Variants in RIMS2 observed in about 807,000 individuals in gnomAD.
RIMS2 encodes the protein regulating synaptic membrane exocytosis 2, also known as regulating synaptic membrane exocytosis protein 2.
Under a neutral mutation model 174.4 loss-of-function variants are expected in RIMS2, and 59 were observed. That is an observed-to-expected ratio of 0.34 (90% CI 0.27 to 0.42). RIMS2 has a LOEUF of 0.42. Among genes scored for constraint, RIMS2 ranks in the 10% least tolerant of loss-of-function variants. The pLI is 1.00. For missense variants in RIMS2, 1,620 were observed against 1,666.3 expected, an observed-to-expected ratio of 0.97 and a Z score of 0.48; for synonymous variants, 606 against 572.5, an observed-to-expected ratio of 1.06 and a Z score of -0.84.
At chr8:103,531,242 C>T (rs374086228) in intron 1 of RIMS2, among the ~76,000 whole-genome samples, 135 of 151,906 alleles carry the variant, frequency 8.9e-4, no homozygotes, top group African/African-American at 3.1e-3. Flanking sequence ...CATGGAATAC[C>T]AAAATCGACC....
At chr8:103,772,959 G>A (rs1383909553) in intron 3 of RIMS2, among the ~76,000 whole-genome samples, 1 of 152,120 alleles carries the variant, frequency 6.6e-6, no homozygotes, top group Non-Finnish European at 1.5e-5. Flanking sequence ...GTGGATCATA[G>A]AGATAAATGT....
intron 1 of RIMS2, among the ~76,000 whole-genome samples, chr8:103,610,861 T>C (rs1442297801): frequency 6.6e-6 from 1 of 152,174 alleles, no homozygotes; most frequent in Non-Finnish European, 1.5e-5. Context: ...CGAGAGGAGT[T>C]CATTCACAAT....
chr8:104,064,923 A>T (rs879910519), intron 19 of RIMS2, among the ~76,000 whole-genome samples: 2 of 152,108 alleles, frequency 1.3e-5, no homozygotes, highest in African/African-American at 2.4e-5. Flanking sequence ...GCATACTTGA[A>T]TTATAAAACC....
At chr8:104,202,644 T>A (rs1328191523) in intron 19 of RIMS2, among the ~76,000 whole-genome samples, 1 of 152,240 alleles carries the variant, frequency 6.6e-6, no homozygotes, top group Non-Finnish European at 1.5e-5. Flanking sequence ...CCTCTTCACA[T>A]GGCCTTTCCT....
chr8:104,255,410 G>A (rs1375375045), downstream of RIMS2: 1 of 151,606 alleles, frequency 6.6e-6, no homozygotes, highest in Admixed American at 6.6e-5. Flanking sequence ...CCTTTCTTAT[G>A]TGCCCTCTCC....
intron 3 of RIMS2, among the ~76,000 whole-genome samples, chr8:103,831,421 C>T (rs1295344128): frequency 6.6e-6 from 1 of 152,096 alleles, no homozygotes; most frequent in Non-Finnish European, 1.5e-5. Flanking sequence ...AAAAACCAGT[C>T]TCAGAGTGAC....
intron 7 of RIMS2, among the ~76,000 whole-genome samples, chr8:103,916,066 A>G (rs541873348): frequency 6.6e-6 from 1 of 152,128 alleles, no homozygotes; most frequent in South Asian, 2.1e-4. Context: ...ACAAAAAAAC[A>G]AGGTGCTCAG....
chr8:104,186,929 T>G (rs979861655), intron 19 of RIMS2, among the ~76,000 whole-genome samples: 9 of 151,734 alleles, frequency 5.9e-5, no homozygotes, highest in African/African-American at 2.2e-4. Context: ...GAAAATATAT[T>G]GTTCAAAGGA....
At chr8:104,136,313 G>A (rs935828659) in intron 19 of RIMS2, among the ~76,000 whole-genome samples, 5 of 152,176 alleles carry the variant, frequency 3.3e-5, no homozygotes, top group Non-Finnish European at 4.4e-5. Context: ...AAAAAGGGGT[G>A]TATGGGAAAG....
intron 14 of RIMS2, among the ~76,000 whole-genome samples, chr8:103,947,540 C>G (rs1307243452): frequency 6.6e-6 from 1 of 151,782 alleles, no homozygotes; most frequent in Non-Finnish European, 1.5e-5. Flanking sequence ...AATTGTAACG[C>G]AATGATAAGT....
In RIMS2 at chr8:103,851,644, TACACACACACACAC is replaced by T. The variant is rs10529078; in HGVS notation, c.699-33618_699-33605del. Among the ~76,000 whole-genome samples the T allele has an allele frequency of 2.1e-3, 282 of 136,576 alleles. 1 individual carries two copies. Among genetic ancestry groups the T allele is most frequent in the African/African-American group, 3.4e-3 (126 of 36,834 alleles). The allele number at this position is 136,576 out of a possible 152,430, so 89.6% of individuals were successfully genotyped here. A position where few individuals can be genotyped will look rare whatever the true frequency, so the allele number is the denominator to read the frequency against. On this transcript the variant is annotated intron_variant, in intron 3 of 23. Coordinates refer to ENST00000504942, the Ensembl canonical transcript of RIMS2. The stretch of plus-strand genomic sequence containing the variant: ...TGCCTGTGTCTATAGGAATGCTATG[TACACACACACACAC>T]ACACACACACACACACACACACACA...
chr8:103,741,998 A>G (rs1301204072), intron 2 of RIMS2, among the ~76,000 whole-genome samples: 1 of 152,058 alleles, frequency 6.6e-6, no homozygotes, highest in Non-Finnish European at 1.5e-5. Context: ...CTTACTCACC[A>G]CTTGAAAAAA....
rs2098808520 is a variant in RIMS2, at chr8:104,168,116, TTC to T, written c.3335-76798_3335-76797del. On this transcript the variant is annotated intron_variant, in intron 19 of 23. Coordinates refer to ENST00000504942, the Ensembl canonical transcript of RIMS2. ...GTGTAATGTGATGCCTCCAGATTTG[TTC>T]TTTTTTCTTAGTATTGCTTTGGCTA... Among the ~76,000 whole-genome samples the T allele has an allele frequency of 4.6e-5, 7 of 152,320 alleles. No individual in the cohort carries two copies. In the South Asian group the frequency reaches 1.2e-3, roughly 27 times the overall value.
chr8:104,006,464 C>A (rs1596981558), intron 17 of RIMS2, among the ~76,000 whole-genome samples: 1 of 152,166 alleles, frequency 6.6e-6, no homozygotes, highest in Admixed American at 6.5e-5. Flanking sequence ...GCAGGAGAAT[C>A]ACTTGAACCT....
At chr8:103,788,281 A>AT (rs1447157955) in intron 3 of RIMS2, among the ~76,000 whole-genome samples, 1 of 150,800 alleles carries the variant, frequency 6.6e-6, no homozygotes, top group Admixed American at 6.6e-5. Flanking sequence ...CGTCAAAGTC[A>AT]TTCTCCATCC....
intron 3 of RIMS2, among the ~76,000 whole-genome samples, chr8:103,842,758 T>C (rs2098947694): frequency 6.6e-6 from 1 of 152,208 alleles, no homozygotes; most frequent in Non-Finnish European, 1.5e-5. Flanking sequence ...TTTAAACATT[T>C]ACTCATCTGT....
intron 3 of RIMS2, among the ~76,000 whole-genome samples, chr8:103,839,408 G>T (rs1403493678): frequency 1.3e-5 from 2 of 152,022 alleles, no homozygotes; most frequent in Admixed American, 1.3e-4. Flanking sequence ...CCTTGATCTT[G>T]TCAAAGTTTG....
intron 2 of RIMS2, among the ~76,000 whole-genome samples, chr8:103,758,487 G>A (rs561616256): frequency 2.0e-5 from 3 of 152,218 alleles, no homozygotes; most frequent in East Asian, 1.9e-4. Context: ...GATTTCCACA[G>A]CATTTTTTTC....
chr8:103,892,419 G>A (rs2099251870), intron 4 of RIMS2, among the ~76,000 whole-genome samples: 1 of 151,568 alleles, frequency 6.6e-6, no homozygotes, highest in Non-Finnish European at 1.5e-5. Flanking sequence ...GCGCAGGCTG[G>A]TCTTGAACAC....
Sources: allele counts gnomAD v4.1 joint callset (sites outside exome capture counted in the v4.1 genomes callset), GRCh38; gene constraint gnomAD v4.1.1; transcripts MANE v1.5; gene names NCBI Gene and HGNC (gene_info 2026-07-23, HGNC 2026-07-21).